The following UPK1B variants were observed in gnomAD, a reference collection of about 807,000 sequenced individuals.
UPK1B encodes the protein uroplakin-1b.
A neutral mutation model predicts 34.2 loss-of-function variants in UPK1B; 28 were observed. That is an observed-to-expected ratio of 0.82 (90% CI 0.61 to 1.12). The LOEUF (loss-of-function observed/expected upper bound fraction) is 1.12. UPK1B is among the 50% of genes most tolerant of loss of function. The probability of loss-of-function intolerance (pLI) is 0.00; values close to 1 mark genes in which losing one functional copy is unlikely to be tolerated. For synonymous variants in UPK1B, 81 were observed against 110.4 expected, an observed-to-expected ratio of 0.73 and a Z score of 1.67; for missense variants, 325 against 320.9, an observed-to-expected ratio of 1.01 and a Z score of -0.10.
chr3:119,174,052 C>T (rs1455286702), intron 1 of UPK1B, among the ~76,000 whole-genome samples: 1 of 152,138 alleles, frequency 6.6e-6, no homozygotes, highest in South Asian at 2.1e-4. Flanking sequence ...GAAAGTTTAA[C>T]GAAATAGCTC....
At chr3:119,200,084 G>C (rs1259552922) in intron 7 of UPK1B, among the ~76,000 whole-genome samples, 3 of 152,244 alleles carry the variant, frequency 2.0e-5, no homozygotes, top group Non-Finnish European at 2.9e-5. Flanking sequence ...CATTCAATCT[G>C]TTGTAATATG....
intron 7 of UPK1B, among the ~76,000 whole-genome samples, chr3:119,200,878 T>C (rs2078087761): frequency 6.6e-6 from 1 of 152,252 alleles, no homozygotes; most frequent in Non-Finnish European, 1.5e-5. Context: ...CAAGTGCTTT[T>C]AAGACAACCA....
chr3:119,183,268 T>TG (rs1448422488), intron 1 of UPK1B, among the ~76,000 whole-genome samples: 4 of 145,034 alleles, frequency 2.8e-5, no homozygotes, highest in South Asian at 4.3e-4. Context: ...TCCCTTTTTT[T>TG]TTGTTTTTTT....
chr3:119,198,347 G>A (rs773189603), intron 6 of UPK1B, among the ~76,000 whole-genome samples: 2 of 152,154 alleles, frequency 1.3e-5, no homozygotes, highest in African/African-American at 4.8e-5. Context: ...TTTGGTAGAG[G>A]CTGCTCAGAT....
chr3:119,187,798 G>A lies in UPK1B; in HGVS notation c.93G>A (p.Ala31=), dbSNP rs753345378. Residue 31 remains alanine, a synonymous_variant, in exon 3 of 8, where the codon GCG becomes GCA. Coordinates refer to ENST00000264234, the MANE Select transcript of UPK1B (RefSeq NM_006952.4). ...IIGCCGIALT[A]ECIFFVSDQH... ...AGTGTTGCGGCATTGCCCTGACTGC[G>A]GAGTGCATCTTCTTTGTATCTGACC... is the stretch of plus-strand genomic sequence containing the variant. The A allele has an allele frequency of 8.7e-6, 14 of 1,613,262 alleles. No individual in the cohort carries two copies. Among genetic ancestry groups the A allele is most frequent in the East Asian group, 4.5e-5 (2 of 44,868 alleles).
chr3:119,188,881 C>T (rs2078031532), intron 3 of UPK1B, among the ~76,000 whole-genome samples: 1 of 152,174 alleles, frequency 6.6e-6, no homozygotes, highest in Admixed American at 6.5e-5. Flanking sequence ...GTTTACTCTT[C>T]CTTTTAACTA....
intron 2 of UPK1B, 51 bp from the exon 3 acceptor site, chr3:119,187,724 C>G (rs745518201): frequency 1.3e-6 from 2 of 1,584,558 alleles, no homozygotes; most frequent in Non-Finnish European, 1.7e-6. Flanking sequence ...CCCTCCACCC[C>G]CTTTCCCAAA....
chr3:119,196,829 T>C (rs2078070092), intron 6 of UPK1B, among the ~76,000 whole-genome samples: 1 of 152,108 alleles, frequency 6.6e-6, no homozygotes, highest in African/African-American at 2.4e-5. Context: ...TGAGCCACCG[T>C]GCCCAGCCTG....
rs2078108267 is a variant in UPK1B at position 119,204,183 on chromosome 3, T to C, written c.*216T>C. On this transcript the variant is annotated 3_prime_UTR_variant, in exon 8 of 8. Coordinates refer to ENST00000264234, the MANE Select transcript of UPK1B (RefSeq NM_006952.4). ...AGTCTAGCATTCTGCAACATTTATA[T>C]AGACTGTTGAAAGGAGAATTTGAAA... is the stretch of plus-strand genomic sequence containing the variant. 2 of 531,392 alleles carry C rather than the reference T, an allele frequency of 3.8e-6. No homozygotes were observed. Among genetic ancestry groups the C allele is most frequent in the African/African-American group, 1.9e-5 (1 of 53,148 alleles). 32.9% of individuals were successfully genotyped at this position (531,392 alleles called of 1,614,324 possible).
At chr3:119,197,915 G>A (rs1298659640) in intron 6 of UPK1B, among the ~76,000 whole-genome samples, 1 of 152,224 alleles carries the variant, frequency 6.6e-6, no homozygotes, top group Admixed American at 6.5e-5. Context: ...GACACCGGAA[G>A]ATTGGGGAGG....
At chr3:119,186,597 G>A (rs758324707) in intron 1 of UPK1B, 117 bp from the exon 2 acceptor site, 17 of 695,348 alleles carry the variant, frequency 2.4e-5, no homozygotes, top group Admixed American at 5.8e-5. Context: ...GTCCTTCATC[G>A]CTAAAAGATT....
intron 7 of UPK1B, among the ~76,000 whole-genome samples, chr3:119,201,871 A>T (rs1298229875): frequency 6.6e-6 from 1 of 152,210 alleles, no homozygotes; most frequent in Non-Finnish European, 1.5e-5. Context: ...GCATGTAGTA[A>T]GGGCTCAAGC....
At chr3:119,193,346 A>T (rs997782120) in intron 5 of UPK1B, among the ~76,000 whole-genome samples, 1 of 152,262 alleles carries the variant, frequency 6.6e-6, no homozygotes, top group African/African-American at 2.4e-5. Context: ...TCCTTTAAAG[A>T]TGGTTGATTT....
At chr3:119,182,208 A>G (rs1051030541) in intron 1 of UPK1B, among the ~76,000 whole-genome samples, 1 of 152,198 alleles carries the variant, frequency 6.6e-6, no homozygotes, top group African/African-American at 2.4e-5. Context: ...ACAAATGGGT[A>G]TCTTGTGTAA....
chr3:119,193,790 G>A (rs1377480498), intron 5 of UPK1B, among the ~76,000 whole-genome samples: 1 of 151,844 alleles, frequency 6.6e-6, no homozygotes, highest in Non-Finnish European at 1.5e-5. Context: ...CTCTCACATT[G>A]TTATATCAAT....
At chr3:119,199,765 G>C (rs1018133948) in intron 7 of UPK1B, among the ~76,000 whole-genome samples, 69 of 152,296 alleles carry the variant, frequency 4.5e-4, no homozygotes, top group Admixed American at 4.5e-3. Flanking sequence ...ATGATCTGCT[G>C]TCAGGGTTGA....
rs1463786589 is a variant in UPK1B at position 119,175,066 on chromosome 3, G to C, written c.-29+1428G>C. Among the ~76,000 whole-genome samples the C allele has an allele frequency of 4.2e-5, 5 of 118,788 alleles. 1 individual carries two copies. The highest frequency in any genetic ancestry group is 5.5e-4 in the East Asian group (2 of 3,660). The allele number at this position is 118,788 out of a possible 152,430, so 77.9% of individuals were successfully genotyped here. On this transcript the variant is annotated intron_variant, in intron 1 of 7. Transcript: ENST00000264234. Reference sequence around the variant, plus strand: ...TTTTTTTGAGACGGAGTCACTCTGAGGCCCAGGCTGGAGTGCAGTGGCGTG... The same window carrying C: ...TTTTTTTGAGACGGAGTCACTCTGACGCCCAGGCTGGAGTGCAGTGGCGTG...
intron 6 of UPK1B, among the ~76,000 whole-genome samples, chr3:119,196,632 C>T (rs575662476): frequency 6.6e-6 from 1 of 150,542 alleles, no homozygotes; most frequent in East Asian, 2.0e-4. Context: ...CTCCACCTCC[C>T]AGGTTCAAGT....
intron 1 of UPK1B, among the ~76,000 whole-genome samples, chr3:119,174,992 CTTTTTTTTTCTTTTATTTTCTTTTTTT>C: frequency 9.8e-6 from 1 of 101,726 alleles, no homozygotes; most frequent in South Asian, 3.4e-4. Context: ...AAACTCAGAA[CTTTTTTTTTCTTTTATTTTCTTTTTTT>C]TTTTTTTTTT....
Sources: allele counts gnomAD v4.1 joint callset (sites outside exome capture counted in the v4.1 genomes callset), GRCh38; gene constraint gnomAD v4.1.1; transcripts MANE v1.5; gene names NCBI Gene and HGNC (gene_info 2026-07-23, HGNC 2026-07-21).